Variants in SOS2 observed in about 807,000 individuals in gnomAD.
SOS2 encodes SOS Ras/Rho guanine nucleotide exchange factor 2.
In SOS2, 65 loss-of-function variants were observed where a neutral mutation model predicts 148.2. That is an observed-to-expected ratio of 0.44 (90% CI 0.36 to 0.54). SOS2 has a LOEUF of 0.54. Among genes scored for constraint, SOS2 ranks in the 20% least tolerant of loss-of-function variants. The pLI is 0.00. For missense variants in SOS2, 1,341 were observed against 1,590.2 expected (o/e 0.84, Z 2.67); for synonymous variants, 539 against 537.1 (o/e 1.00, Z -0.05).
intron 1 of SOS2, among the ~76,000 whole-genome samples, chr14:50,205,884 C>A (rs976604721): frequency 6.8e-5 from 10 of 147,174 alleles, no homozygotes; most frequent in Non-Finnish European, 1.2e-4. Context: ...CGCACCACTG[C>A]ACTCCAGCCT....
intron 18 of SOS2, among the ~76,000 whole-genome samples, chr14:50,136,384 C>T (rs1374407546): frequency 3.3e-5 from 5 of 152,152 alleles, no homozygotes; most frequent in Admixed American, 6.5e-5. Context: ...ACCACAAACA[C>T]CAATTAGCAG....
chr14:50,213,470 G>C (rs983216633), intron 1 of SOS2, among the ~76,000 whole-genome samples: 3 of 152,074 alleles, frequency 2.0e-5, no homozygotes, highest in Admixed American at 6.6e-5. Context: ...GGCCAAGGTG[G>C]GGGTGGATCA....
chr14:50,177,230 G>C (rs1453788466), intron 7 of SOS2, among the ~76,000 whole-genome samples: 1 of 152,082 alleles, frequency 6.6e-6, no homozygotes, highest in Admixed American at 6.6e-5. Flanking sequence ...TAAGGCAGGA[G>C]AATCGCTTTA....
Position 50,122,639 on chromosome 14 carries a change from T to C in SOS2, c.3380-2255A>G, listed in dbSNP as rs184485671. ...ATGGGAAAGCTATGAGAGCTCTGAA[T>C]CTGGGTCTGACTCTACAGTCACCAC... On this transcript the variant is annotated intron_variant, in intron 21 of 22. Transcript: ENST00000216373. Among the ~76,000 whole-genome samples the C allele has an allele frequency of 1.9e-3, 286 of 152,278 alleles. 2 individuals carry two copies. The highest frequency in any genetic ancestry group is 3.4e-3 in the Non-Finnish European group (231 of 68,020).
chr14:50,199,989 G>A (rs1461832286), intron 3 of SOS2, 134 bp from the exon 4 acceptor site: 12 of 541,630 alleles, frequency 2.2e-5, no homozygotes, highest in African/African-American at 4.0e-5. Flanking sequence ...TGGGTACCAC[G>A]GGATATAAAA....
At chr14:50,201,770 A>G (rs772936736) in intron 2 of SOS2, among the ~76,000 whole-genome samples, 1 of 152,112 alleles carries the variant, frequency 6.6e-6, no homozygotes, top group Non-Finnish European at 1.5e-5. Context: ...CAGAGCAGAA[A>G]TTGTTCATTC....
rs191636306 is a variant in SOS2 at position 50,187,912 on chromosome 14, C to T, written c.714+585G>A. The stretch of plus-strand genomic sequence containing the variant: ...GGTCTTCCTTTCCTAGACCATACAT[C>T]TTTTTCACCACCTCCAAATGAATGA... On this transcript the variant is annotated intron_variant, in intron 5 of 22. Coordinates refer to ENST00000216373, the MANE Select transcript of SOS2 (RefSeq NM_006939.4). Among the ~76,000 whole-genome samples, 920 of 152,234 alleles carry T rather than the reference C, an allele frequency of 6.0e-3. 5 individuals carry two copies. Among genetic ancestry groups the T allele is most frequent in the Admixed American group, 0.01 (158 of 15,294 alleles).
intron 1 of SOS2, among the ~76,000 whole-genome samples, chr14:50,218,454 C>T (rs999987456): frequency 7.3e-4 from 110 of 151,376 alleles, no homozygotes; most frequent in African/African-American, 2.5e-3. Flanking sequence ...ACCCGGAAGG[C>T]GGAGGGTGCA....
intron 22 of SOS2, among the ~76,000 whole-genome samples, chr14:50,119,485 C>T (rs1433324824): frequency 6.6e-6 from 1 of 152,152 alleles, no homozygotes; most frequent in African/African-American, 2.4e-5. Context: ...TTTTTTCCAC[C>T]TGTACCAGAA....
rs1368172718 is a variant in SOS2, at chr14:50,150,007, CCT to C, written c.2383_2384del (p.Arg795GlufsTer6). On this transcript the variant is annotated frameshift_variant and splice_region_variant, in exon 14 of 23. Transcript: ENST00000216373. LOFTEE classifies it high-confidence loss of function. ...GCAAGACATTAACATTAATTGTCTA[CCT>C]GTAAAGATCAGACTCCAAAAGTGTC... is the stretch of plus-strand genomic sequence containing the variant. ...QLTLLESDLY[R>X]KVQPSELVGS... is the part of the protein sequence containing the mutation. The C allele has an allele frequency of 6.4e-7, 1 of 1,567,406 alleles. No homozygotes were observed. Among genetic ancestry groups the C allele is most frequent in the Non-Finnish European group, 8.8e-7 (1 of 1,137,618 alleles).
chr14:50,182,646 G>T (rs141718860), intron 5 of SOS2, 40 bp from the exon 6 acceptor site: 3 of 1,537,626 alleles, frequency 2.0e-6, no homozygotes, highest in African/African-American at 2.8e-5. Flanking sequence ...GTGAGATTGA[G>T]AATTCTGCTA....
intron 21 of SOS2, among the ~76,000 whole-genome samples, chr14:50,122,883 C>T (rs974490379): frequency 2.0e-5 from 3 of 152,174 alleles, no homozygotes; most frequent in Non-Finnish European, 4.4e-5. Flanking sequence ...TTCTGCCATT[C>T]ATTCATTCAT....
At position 50,132,847 on chromosome 14, in the gene SOS2, C is replaced by T. The variant is rs955262463; in HGVS notation, c.3075+1276G>A. Among the ~76,000 whole-genome samples the T allele has an allele frequency of 8.7e-4, 132 of 152,240 alleles. 1 individual carries two copies. Among genetic ancestry groups the T allele is most frequent in the African/African-American group, 3.0e-3 (126 of 41,548 alleles). ...ACCAGGAAAGCTTCACCAAGGAGAC[C>T]TTCTCCACCACAACAATGCTCCTGC... On this transcript the variant is annotated intron_variant, in intron 19 of 22. Coordinates refer to ENST00000216373, the MANE Select transcript of SOS2 (RefSeq NM_006939.4).
At chr14:50,178,670 G>GTATATATATATATATATATA (rs1566839555) in intron 7 of SOS2, among the ~76,000 whole-genome samples, 1 of 67,964 alleles carries the variant, frequency 1.5e-5, no homozygotes. Flanking sequence ...GTGTGTGTGT[G>GTATATATATATATATATATA]CATATATATA....
intron 8 of SOS2, among the ~76,000 whole-genome samples, chr14:50,165,947 G>A (rs967260751): frequency 2.0e-5 from 3 of 152,142 alleles, no homozygotes; most frequent in African/African-American, 7.2e-5. Context: ...AAACCCAGGA[G>A]CTCTGACCCC....
chr14:50,156,755 T>C (rs1346104648), intron 12 of SOS2: 5 of 202,432 alleles, frequency 2.5e-5, no homozygotes, highest in Non-Finnish European at 4.9e-5. Flanking sequence ...ATGCCAGAGA[T>C]ATGTGATGCA....
chr14:50,166,222 ATATCT>A (rs1218535302), intron 8 of SOS2, among the ~76,000 whole-genome samples: 6 of 152,106 alleles, frequency 3.9e-5, no homozygotes, highest in African/African-American at 1.4e-4. Context: ...TTAATGGGTA[ATATCT>A]TTTCTTTTTC....
At chr14:50,162,631 C>T (rs1163410452) in intron 8 of SOS2, among the ~76,000 whole-genome samples, 1 of 152,124 alleles carries the variant, frequency 6.6e-6, no homozygotes, top group Non-Finnish European at 1.5e-5. Context: ...TAACTTTTAA[C>T]ACTTCAATCT....
At chr14:50,182,017 T>TTACTACTCTAGTTTATA (rs1454786934) in intron 6 of SOS2, among the ~76,000 whole-genome samples, 1 of 151,306 alleles carries the variant, frequency 6.6e-6, no homozygotes, top group Non-Finnish European at 1.5e-5. Context: ...AACCTAAATG[T>TTACTACTCTAGTTTATA]TACTACTCTA....
Sources: allele counts gnomAD v4.1 joint callset (sites outside exome capture counted in the v4.1 genomes callset), GRCh38; gene constraint gnomAD v4.1.1; transcripts MANE v1.5; gene names NCBI Gene and HGNC (gene_info 2026-07-23, HGNC 2026-07-21).